SUSD5: variants seen among roughly 807,000 people sequenced by gnomAD.
SUSD5 encodes the protein sushi domain containing 5.
A neutral mutation model predicts 29.5 loss-of-function variants in SUSD5; 33 were observed. That is an observed-to-expected ratio of 1.12 (90% confidence interval 0.85 to 1.49). SUSD5 has a LOEUF of 1.49. SUSD5 is among the 40% of genes most tolerant of loss of function. The pLI is 0.00. For synonymous variants in SUSD5, 308 were observed against 325.3 expected (o/e 0.95, Z 0.57); for missense variants, 776 against 800.6 (o/e 0.97, Z 0.37).
chr3:33,211,805 T>G (rs1428880269), intron 2 of SUSD5, among the ~76,000 whole-genome samples: 4 of 152,222 alleles, frequency 2.6e-5, no homozygotes, highest in Non-Finnish European at 5.9e-5. Flanking sequence ...TATTAAAATA[T>G]TTTCCCAGAC....
At chr3:33,194,794 A>C (rs931559917) in intron 3 of SUSD5, among the ~76,000 whole-genome samples, 14 of 152,262 alleles carry the variant, frequency 9.2e-5, no homozygotes, top group Admixed American at 2.6e-4. Flanking sequence ...GAGATGGAAT[A>C]GTAGCTAAAA....
intron 3 of SUSD5, among the ~76,000 whole-genome samples, chr3:33,176,836 T>C (rs1330164724): frequency 6.6e-6 from 1 of 152,204 alleles, no homozygotes; most frequent in Non-Finnish European, 1.5e-5. Context: ...TTCCAGCAGT[T>C]ATGTAAAAGA....
chr3:33,210,936 C>G (rs2032311359), intron 2 of SUSD5, among the ~76,000 whole-genome samples: 1 of 152,048 alleles, frequency 6.6e-6, no homozygotes, highest in South Asian at 2.1e-4. Flanking sequence ...TGCAATGGTG[C>G]CATCTTGGCT....
intron 1 of SUSD5, among the ~76,000 whole-genome samples, chr3:33,214,860 C>T (rs2032398343): frequency 6.6e-6 from 1 of 152,058 alleles, no homozygotes; most frequent in African/African-American, 2.4e-5. Context: ...TGAAGCAATG[C>T]CTTGGGTGGC....
intron 1 of SUSD5, among the ~76,000 whole-genome samples, chr3:33,218,386 G>A (rs561191921): frequency 6.6e-6 from 1 of 152,340 alleles, no homozygotes; most frequent in East Asian, 1.9e-4. Flanking sequence ...CACCTTAGAG[G>A]TGATTTCATT....
intron 3 of SUSD5, among the ~76,000 whole-genome samples, chr3:33,187,616 T>C (rs748506123): frequency 4.2e-4 from 64 of 151,966 alleles, no homozygotes; most frequent in Non-Finnish European, 8.5e-4. Context: ...TCTTCTCCTC[T>C]CTAGGGAAAC....
chr3:33,209,907 T>C (rs1302438574), intron 2 of SUSD5, among the ~76,000 whole-genome samples: 2 of 152,172 alleles, frequency 1.3e-5, no homozygotes, highest in African/African-American at 4.8e-5. Context: ...CATTTGGTTA[T>C]TTTTACAGTT....
chr3:33,168,132 G>A (rs1222471088), intron 4 of SUSD5, among the ~76,000 whole-genome samples: 1 of 152,208 alleles, frequency 6.6e-6, no homozygotes, highest in Admixed American at 6.5e-5. Context: ...GTGGGATGTG[G>A]CTGGGGGCTG....
intron 3 of SUSD5, chr3:33,190,244 CT>C: frequency 2.5e-5 from 4 of 161,382 alleles, no homozygotes; most frequent in Non-Finnish European, 2.7e-5. Context: ...TCGTTAGCAG[CT>C]TTTTTGAGAT....
chr3:33,186,878 G>T (rs930024228), intron 3 of SUSD5, among the ~76,000 whole-genome samples: 27 of 152,170 alleles, frequency 1.8e-4, no homozygotes, highest in Non-Finnish European at 3.5e-4. Flanking sequence ...GAGCCTAGGA[G>T]ATCAAGTGCT....
In SUSD5 at chr3:33,170,491, C is replaced by T. The variant is rs116420854; in HGVS notation, c.598+4395G>A. 4.5e-3 allele frequency among the ~76,000 whole-genome samples: 692 copies of T among 152,286 alleles called. 5 individuals carry two copies. Among genetic ancestry groups the T allele is most frequent in the African/African-American group, 0.016 (669 of 41,560 alleles). On this transcript the variant is annotated intron_variant, in intron 4 of 4. Coordinates refer to ENST00000309558, the MANE Select transcript of SUSD5 (RefSeq NM_015551.2). ...AGTGAACGGTCAAGACAGAAGTCCC[C>T]GTGCTTAAGTGAGAGACTGCATCCC...
intron 3 of SUSD5, among the ~76,000 whole-genome samples, chr3:33,200,469 T>G (rs951968873): frequency 3.3e-5 from 5 of 152,224 alleles, no homozygotes; most frequent in Admixed American, 3.3e-4. Flanking sequence ...AGGTGCTTCC[T>G]CTGCAGTGCA....
At chr3:33,176,914 G>T (rs1197102379) in intron 3 of SUSD5, among the ~76,000 whole-genome samples, 1 of 152,156 alleles carries the variant, frequency 6.6e-6, no homozygotes, top group Admixed American at 6.5e-5. Flanking sequence ...ATTTATGTGG[G>T]TCTATTTCTG....
At chr3:33,186,473 A>AT (rs1559451728) in intron 3 of SUSD5, among the ~76,000 whole-genome samples, 1 of 148,460 alleles carries the variant, frequency 6.7e-6, no homozygotes, top group Non-Finnish European at 1.5e-5. Context: ...ACCAGGCTGG[A>AT]TGGAGTGCAG....
intron 4 of SUSD5, among the ~76,000 whole-genome samples, chr3:33,170,754 A>G (rs1296686966): frequency 6.6e-6 from 1 of 152,244 alleles, no homozygotes; most frequent in Non-Finnish European, 1.5e-5. Context: ...GGCAGAGATT[A>G]ACTTCTCACC....
chr3:33,202,016 G>A (rs2032127625), intron 3 of SUSD5, among the ~76,000 whole-genome samples: 1 of 141,390 alleles, frequency 7.1e-6, no homozygotes, highest in East Asian at 2.1e-4. Context: ...CTTGAGAGAG[G>A]GGAGAAGTTA....
intron 3 of SUSD5, 47 bp from the exon 4 acceptor site, chr3:33,175,121 T>C (rs1264631221): frequency 6.3e-7 from 1 of 1,597,520 alleles, no homozygotes; most frequent in Non-Finnish European, 8.6e-7. Flanking sequence ...GTGCGGAACT[T>C]TTTCAGCCTA....
intron 3 of SUSD5, among the ~76,000 whole-genome samples, chr3:33,179,494 T>C (rs917228332): frequency 1.3e-5 from 2 of 152,218 alleles, no homozygotes; most frequent in African/African-American, 2.4e-5. Context: ...TTGGCCTCTC[T>C]GTGTAGCATT....
At chr3:33,172,209 ACACACACACACACT>A (rs2031441665) in intron 4 of SUSD5, among the ~76,000 whole-genome samples, 1 of 151,520 alleles carries the variant, frequency 6.6e-6, no homozygotes. Context: ...ACACACACAC[ACACACACACACACT>A]CTTCTTACAA....
Sources: allele counts gnomAD v4.1 joint callset (sites outside exome capture counted in the v4.1 genomes callset), GRCh38; gene constraint gnomAD v4.1.1; transcripts MANE v1.5; gene names NCBI Gene and HGNC (gene_info 2026-07-23, HGNC 2026-07-21).